Variants in LRCOL1 observed in about 807,000 individuals in gnomAD.
The protein encoded by LRCOL1 is leucine rich colipase like 1, also known as leucine-rich colipase-like protein 1.
In LRCOL1, 21 loss-of-function variants were observed where a neutral mutation model predicts 21.6. The ratio of observed to expected loss-of-function variants is 0.97; its 90% CI spans 0.69 to 1.40. LRCOL1 has a LOEUF of 1.40. LRCOL1 is among the 40% of genes most tolerant of loss of function. The pLI, the probability that LRCOL1 is intolerant of heterozygous loss-of-function variation, is 0.00. For synonymous variants in LRCOL1, 98 were observed against 90.1 expected, an observed-to-expected ratio of 1.09 and a Z score of -0.49; for missense variants, 198 against 202.3, an observed-to-expected ratio of 0.98 and a Z score of 0.13.
At position 132,604,851 on chromosome 12, in the gene LRCOL1, C is replaced by G; in HGVS notation, c.106-20G>C. ...GATGCCCTGAAACACCACTCACCAG[C>G]TCGCTCACCTGTTCCTGGGCAGGGC... On this transcript the variant is annotated intron_variant, in intron 2 of 5. Coordinates refer to ENST00000376608, the MANE Select transcript of LRCOL1 (RefSeq NM_001195520.2). 1 of 1,535,058 alleles carries G rather than the reference C, an allele frequency of 6.5e-7. No individual in the cohort carries two copies. The highest frequency in any genetic ancestry group is 1.2e-5 in the South Asian group (1 of 83,958).
Position 132,606,709 on chromosome 12 carries a change from C to T in LRCOL1, c.-13-445G>A, listed in dbSNP as rs2041314413. ...CCCCGTCTATTCGCTCCTCCCTCCC[C>T]AGCTGCTGACAGCCACCGAGCTTTT... On this transcript the variant is annotated intron_variant, in intron 1 of 5. Coordinates refer to ENST00000376608, the MANE Select transcript of LRCOL1 (RefSeq NM_001195520.2). The surrounding 1 kb of genome is among the most constrained non-coding windows in gnomAD (Gnocchi z 4.6). Among the ~76,000 whole-genome samples the T allele has an allele frequency of 6.6e-6, 1 of 151,892 alleles. No homozygotes were observed. Among genetic ancestry groups the T allele is most frequent in the South Asian group, 2.1e-4 (1 of 4,804 alleles).
Position 132,606,156 on chromosome 12 carries a change from C to G in LRCOL1, c.96G>C (p.Leu32=). The change falls in exon 2 of 6, where the codon CTG becomes CTC. Residue 32 remains leucine, a synonymous_variant. Coordinates refer to ENST00000376608, the MANE Select transcript of LRCOL1 (RefSeq NM_001195520.2). This position sits in a 1 kb window ranked among gnomAD's most constrained non-coding sequence, Gnocchi z 4.6. ...GGTGCCCGGCACCCACCTTATGGGA[C>G]AGGTTCAACTTCTTCTGTGGCCCAT... ...AGYGPQKKLN[L]SHKGIGEPCR... 6.5e-7 allele frequency: 1 copy of G among 1,536,338 alleles called. No homozygotes were observed. The highest frequency in any genetic ancestry group is 8.7e-7 in the Non-Finnish European group (1 of 1,146,916).
chr12:132,607,586 TCTCTGTCTCTGC>T (rs770546805), intron 1 of LRCOL1, among the ~76,000 whole-genome samples: 43 of 152,224 alleles, frequency 2.8e-4, no homozygotes, highest in Middle Eastern at 3.4e-3. Context: ...TCTCCCTGTC[TCTCTGTCTCTGC>T]CTCTGTCTCT....
chr12:132,606,383 G>C lies in LRCOL1; in HGVS notation c.-13-119C>G, dbSNP rs2041311138. On this transcript the variant is annotated intron_variant, in intron 1 of 5. Coordinates refer to ENST00000376608, the MANE Select transcript of LRCOL1 (RefSeq NM_001195520.2). This position sits in a 1 kb window ranked among gnomAD's most constrained non-coding sequence, Gnocchi z 4.6. ...TCCCGATCCTTTCTCTTGCAAGACA[G>C]ACTTTTAAAAACTTAATGGACTTTA... 2 of 855,880 alleles carry C rather than the reference G, an allele frequency of 2.3e-6. No individual in the cohort carries two copies. The highest frequency in any genetic ancestry group is 3.5e-6 in the Non-Finnish European group (2 of 572,586). 53.0% of individuals were successfully genotyped at this position (855,880 alleles called of 1,614,324 possible).
intron 2 of LRCOL1, chr12:132,605,167 C>T (rs184529770): frequency 1.3e-4 from 153 of 1,135,500 alleles, no homozygotes; most frequent in East Asian, 1.2e-3. Flanking sequence ...TCAGGGAAGG[C>T]GAGCAAGGTG....
intron 1 of LRCOL1, among the ~76,000 whole-genome samples, chr12:132,607,980 C>CCTGTCTCTGTCTCTCTCTGTCT (rs1566280465): frequency 2.1e-5 from 3 of 139,634 alleles, no homozygotes; most frequent in South Asian, 5.0e-4. Context: ...TTTCTGTCTC[C>CCTGTCTCTGTCTCTCTCTGTCT]CTGTCTCTGT....
intron 2 of LRCOL1, among the ~76,000 whole-genome samples, chr12:132,605,565 C>G (rs1473954352): frequency 1.3e-5 from 2 of 151,982 alleles, no homozygotes; most frequent in Non-Finnish European, 2.9e-5. Context: ...CCCATCTCTA[C>G]CAAAAATGCA....
At position 132,606,324 on chromosome 12, in the gene LRCOL1, C is replaced by G. The variant is rs1046965075; in HGVS notation, c.-13-60G>C. On this transcript the variant is annotated intron_variant, in intron 1 of 5. Transcript: ENST00000376608. The surrounding 1 kb of genome is among the most constrained non-coding windows in gnomAD (Gnocchi z 4.6). ...ACGCCAGCCTTGTCCTGCCTGGCAC[C>G]TGGTGCTGGCCTCCCCACTCCCTTC... 7.0e-7 allele frequency: 1 copy of G among 1,418,682 alleles called. No homozygotes were observed. Among genetic ancestry groups the G allele is most frequent in the Non-Finnish European group, 9.6e-7 (1 of 1,045,064 alleles). 87.9% of individuals were successfully genotyped at this position (1,418,682 alleles called of 1,614,324 possible). A position where few individuals can be genotyped will look rare whatever the true frequency, so the allele number is the denominator to read the frequency against.
intron 1 of LRCOL1, among the ~76,000 whole-genome samples, chr12:132,607,513 C>T (rs1161913795): frequency 1.3e-5 from 2 of 152,248 alleles, no homozygotes; most frequent in Non-Finnish European, 2.9e-5. Context: ...TCGGCTCCCT[C>T]ACCCCGTGCT....
chr12:132,608,839 AT>A (rs1249176231), intron 1 of LRCOL1, among the ~76,000 whole-genome samples: 27 of 152,016 alleles, frequency 1.8e-4, no homozygotes, highest in African/African-American at 6.5e-4. Context: ...ACCAGGAAAA[AT>A]TTTTTTCTGG....
In LRCOL1 at chr12:132,604,565, G is replaced by A. The variant is rs777255601; in HGVS notation, c.251C>T (p.Ser84Leu). 3.0e-5 allele frequency: 46 copies of A among 1,535,830 alleles called. No homozygotes were observed. Among genetic ancestry groups the A allele is most frequent in the Middle Eastern group, 1.7e-4 (1 of 6,012 alleles). Residue 84 changes from serine to leucine, a missense_variant, in exon 4 of 6, where the codon TCG (serine) becomes TTG (leucine). By Grantham distance (145) the Ser-to-Leu change is moderately radical. Transcript: ENST00000376608. ...PWRKPNGYRCSHDSECQSSCC... is the reference protein window; with the variant it reads ...PWRKPNGYRCLHDSECQSSCC... ...GCTGCTCTGGCACTCTGAGTCGTGC[G>A]AGCATCTGTACCCATTGGGCTATGG...
intron 3 of LRCOL1, 49 bp from the exon 4 acceptor site, chr12:132,604,633 G>T: frequency 6.6e-7 from 1 of 1,525,852 alleles, no homozygotes; most frequent in Non-Finnish European, 8.8e-7. Context: ...CCACTCCCTG[G>T]CTCTTCAGGG....
chr12:132,603,581 G>A (rs925138284), intron 5 of LRCOL1, 177 bp from the exon 6 acceptor site: 79 of 984,820 alleles, frequency 8.0e-5, no homozygotes, highest in Admixed American at 4.9e-4. Context: ...CACGAGCCGC[G>A]CCAGGCGCCC....
At chr12:132,607,588 T>TCTGTCTCTGCCTCTGTCTCTCC (rs2041324375) in intron 1 of LRCOL1, among the ~76,000 whole-genome samples, 1 of 152,022 alleles carries the variant, frequency 6.6e-6, no homozygotes, top group Non-Finnish European at 1.5e-5. Context: ...TCCCTGTCTC[T>TCTGTCTCTGCCTCTGTCTCTCC]CTGTCTCTGC....
chr12:132,604,464 T>G lies in LRCOL1; in HGVS notation c.352A>C (p.Lys118Gln). ...SVFLQCVPWRKPNGDFCSSHQ... is the reference protein window; with the variant it reads ...SVFLQCVPWRQPNGDFCSSHQ... ...TGCCCCGGGTGCCCGCAGCTCACCTTGCGCCAGGGCACACACTGCAGGAAG... is the reference window on the plus strand; with the variant it reads ...TGCCCCGGGTGCCCGCAGCTCACCTGGCGCCAGGGCACACACTGCAGGAAG... The change falls in exon 4 of 6, where the codon AAG becomes CAG. Residue 118 changes from lysine (K) to glutamine (Q), a missense_variant and splice_region_variant. Transcript: ENST00000376608. 6.5e-7 allele frequency: 1 copy of G among 1,535,166 alleles called. No homozygotes were observed.
intron 5 of LRCOL1, chr12:132,603,754 G>GC: frequency 1.0e-6 from 1 of 985,454 alleles, no homozygotes; most frequent in Non-Finnish European, 1.2e-6. Flanking sequence ...CACCGCGTTT[G>GC]CGCCGCTGGC....
intron 5 of LRCOL1, 36 bp downstream of exon 5, chr12:132,604,214 AAGGG>A: frequency 6.7e-7 from 1 of 1,502,850 alleles, no homozygotes; most frequent in Non-Finnish European, 8.8e-7. Context: ...TGTGGCGGCC[AAGGG>A]AGGGCCTGGA....
chr12:132,604,030 G>T (rs1190335983), intron 5 of LRCOL1: 1 of 1,383,442 alleles, frequency 7.2e-7, no homozygotes, highest in Non-Finnish European at 9.3e-7. Context: ...GGGCACCCGT[G>T]CCCTGCGGGG....
intron 1 of LRCOL1, among the ~76,000 whole-genome samples, chr12:132,608,580 G>GT (rs1350147235): frequency 6.6e-6 from 1 of 152,170 alleles, no homozygotes; most frequent in Non-Finnish European, 1.5e-5. Flanking sequence ...ATATAACTTT[G>GT]TTTAGAGATG....
Sources: gnomAD v4.1 joint callset for allele counts (sites outside exome capture counted in the v4.1 genomes callset) on GRCh38, gnomAD v4.1.1 for gene constraint, Gnocchi (gnomAD v3.1) non-coding constraint, MANE v1.5 for transcripts, NCBI Gene and HGNC (gene_info 2026-07-23, HGNC 2026-07-21) for gene names.